DGKB: variants seen among roughly 807,000 people sequenced by gnomAD.
The protein encoded by DGKB is 90 kDa diacylglycerol kinase.
Under a neutral mutation model 114.3 loss-of-function variants are expected in DGKB, and 67 were observed. The ratio of observed to expected loss-of-function variants is 0.59; its 90% CI spans 0.48 to 0.72. The LOEUF is 0.72. Ranked by LOEUF, DGKB falls within the 30% of genes least tolerant of loss-of-function variation. The pLI is 0.00. For synonymous variants in DGKB, 398 were observed against 323.1 expected (o/e 1.23, Z -2.49); for missense variants, 907 against 975.2 (o/e 0.93, Z 0.93).
At chr7:14,285,387 A>T (rs1800715961) in intron 23 of DGKB, among the ~76,000 whole-genome samples, 1 of 152,192 alleles carries the variant, frequency 6.6e-6, no homozygotes, top group Non-Finnish European at 1.5e-5. Context: ...GTAGTAAGTA[A>T]ATGTCTCATA....
intron 5 of DGKB, among the ~76,000 whole-genome samples, chr7:14,735,829 C>T (rs754733441): frequency 3.3e-5 from 5 of 151,992 alleles, no homozygotes; most frequent in African/African-American, 7.3e-5. Context: ...AATTCTAAAG[C>T]AAGTGATAGA....
intron 23 of DGKB, among the ~76,000 whole-genome samples, chr7:14,303,888 G>GA (rs1803980397): frequency 6.6e-6 from 1 of 152,046 alleles, no homozygotes; most frequent in Admixed American, 6.6e-5. Context: ...CCCAAGGATT[G>GA]AAAAGTCTAT....
intron 23 of DGKB, among the ~76,000 whole-genome samples, chr7:14,224,931 T>TA (rs1790548572): frequency 6.6e-6 from 1 of 152,036 alleles, no homozygotes; most frequent in Non-Finnish European, 1.5e-5. Flanking sequence ...AAATTCAGGA[T>TA]TATTTGAAGA....
At chr7:14,313,749 G>A (rs1284749378) in intron 23 of DGKB, among the ~76,000 whole-genome samples, 1 of 150,504 alleles carries the variant, frequency 6.6e-6, no homozygotes, top group Non-Finnish European at 1.5e-5. Flanking sequence ...AAACAAAGCA[G>A]CCTGGAAGCT....
intron 21 of DGKB, among the ~76,000 whole-genome samples, chr7:14,398,876 C>G (rs1210604332): frequency 4.0e-5 from 6 of 151,748 alleles, no homozygotes; most frequent in African/African-American, 1.2e-4. Context: ...TTAAGGTTTT[C>G]AGGTTGGTTG....
chr7:14,692,157 A>G (rs930163463), intron 9 of DGKB, among the ~76,000 whole-genome samples: 2 of 151,874 alleles, frequency 1.3e-5, no homozygotes, highest in African/African-American at 4.8e-5. Context: ...ATAATAAATA[A>G]TATATCAGCA....
chr7:14,821,216 T>TTCTA (rs1382336491), intron 2 of DGKB, among the ~76,000 whole-genome samples: 3 of 152,214 alleles, frequency 2.0e-5, no homozygotes. Context: ...TAGCTATTTT[T>TTCTA]TCTATTTACC....
chr7:14,304,537 G>GT (rs1480193244), intron 23 of DGKB, among the ~76,000 whole-genome samples: 1 of 152,036 alleles, frequency 6.6e-6, no homozygotes, highest in Non-Finnish European at 1.5e-5. Context: ...TGCTGGTTTA[G>GT]TTTTTTTGCA....
intron 1 of DGKB, among the ~76,000 whole-genome samples, chr7:14,960,267 TAAAG>T (rs1786765662): frequency 6.6e-6 from 1 of 152,072 alleles, no homozygotes; most frequent in Admixed American, 6.6e-5. Flanking sequence ...AAACAGTACT[TAAAG>T]AATATATAAC....
Position 14,465,348 on chromosome 7 carries a change from G to A in DGKB, c.1835+12813C>T, listed in dbSNP as rs150391597. Among the ~76,000 whole-genome samples the A allele has an allele frequency of 6.1e-3, 923 of 152,224 alleles. 16 individuals are homozygous for A. The highest frequency in any genetic ancestry group is 0.021 in the African/African-American group (877 of 41,506). On this transcript the variant is annotated intron_variant, in intron 21 of 25. Transcript: ENST00000402815. ...CGAAAAGAAAACATAAGAGTCTGCA[G>A]GTATGATCCTGATGATGAATTCTGA...
chr7:14,297,587 C>T (rs978280338), intron 23 of DGKB, among the ~76,000 whole-genome samples: 2 of 152,122 alleles, frequency 1.3e-5, no homozygotes, highest in Admixed American at 1.3e-4. Flanking sequence ...GATAAACCCA[C>T]AGCCAATATC....
intron 13 of DGKB, among the ~76,000 whole-genome samples, chr7:14,662,600 C>G (rs974306022): frequency 7.9e-5 from 12 of 151,952 alleles, no homozygotes; most frequent in African/African-American, 2.9e-4. Flanking sequence ...ACAGTTTCAA[C>G]TAAAATATGA....
intron 16 of DGKB, among the ~76,000 whole-genome samples, chr7:14,612,143 A>G (rs541365411): frequency 9.4e-6 from 1 of 105,858 alleles, no homozygotes; most frequent in Middle Eastern, 6.4e-3. Context: ...GAAAAGAAAA[A>G]ATCTTATACT....
In DGKB at chr7:14,621,396, TAC is replaced by T; in HGVS notation, c.1264_1265del (p.Val422ArgfsTer62). 1 of 1,609,112 alleles carries T rather than the reference TAC, an allele frequency of 6.2e-7. No individual in the cohort carries two copies. The highest frequency in any genetic ancestry group is 8.5e-7 in the Non-Finnish European group (1 of 1,176,628). On this transcript the variant is annotated frameshift_variant, in exon 15 of 26. Coordinates refer to ENST00000402815, the MANE Select transcript of DGKB (RefSeq NM_001350709.2). LOFTEE classifies it high-confidence loss of function. ...ATCATACCTGCAGGCCTTGTCCATC[TAC>T]AGTAACAGAGTTGGCTCTTTGCATT... is the stretch of plus-strand genomic sequence containing the variant. ...NKMQRANSVT[V>X]DGQGLQVTPV...
intron 6 of DGKB, among the ~76,000 whole-genome samples, chr7:14,705,535 G>T (rs1826049020): frequency 1.3e-5 from 2 of 151,126 alleles, no homozygotes; most frequent in Admixed American, 1.3e-4. Context: ...AAGTTGAAAT[G>T]AAGGAAAAAA....
At chr7:14,318,536 A>G (rs905972381) in intron 23 of DGKB, among the ~76,000 whole-genome samples, 1 of 152,224 alleles carries the variant, frequency 6.6e-6, no homozygotes, top group Non-Finnish European at 1.5e-5. Flanking sequence ...ACATGAAAAA[A>G]TGCTCACCAT....
chr7:14,372,770 G>A (rs2128657821), intron 21 of DGKB, among the ~76,000 whole-genome samples: 1 of 152,004 alleles, frequency 6.6e-6, no homozygotes, highest in East Asian at 1.9e-4. Flanking sequence ...TAGTATAAAT[G>A]GCTATTTTTT....
At chr7:14,313,651 A>G (rs2128511605) in intron 23 of DGKB, among the ~76,000 whole-genome samples, 1 of 152,220 alleles carries the variant, frequency 6.6e-6, no homozygotes, top group South Asian at 2.1e-4. Context: ...AGTCTCGCTG[A>G]TTGCTAGCAC....
At chr7:14,594,250 G>A (rs1393364973) in intron 17 of DGKB, among the ~76,000 whole-genome samples, 1 of 151,992 alleles carries the variant, frequency 6.6e-6, no homozygotes, top group Non-Finnish European at 1.5e-5. Flanking sequence ...TGTATTTACT[G>A]CTACAAATAC....
Sources: gnomAD v4.1 joint callset for allele counts (sites outside exome capture counted in the v4.1 genomes callset) on GRCh38, gnomAD v4.1.1 for gene constraint, MANE v1.5 for transcripts, NCBI Gene and HGNC (gene_info 2026-07-23, HGNC 2026-07-21) for gene names.